Variants in IMMP1L observed in about 807,000 individuals in gnomAD.
IMMP1L encodes the protein mitochondrial inner membrane protease subunit 1.
A neutral mutation model predicts 21.8 loss-of-function variants in IMMP1L; 24 were observed. The observed-to-expected ratio is 1.10, with a 90% CI of 0.80 to 1.55. The LOEUF (loss-of-function observed/expected upper bound fraction) is 1.55. Ranked by LOEUF, IMMP1L falls within the 40% of genes most tolerant of loss-of-function variation. The probability of loss-of-function intolerance (pLI) is 0.00; values close to 1 mark genes in which losing one functional copy is unlikely to be tolerated. For synonymous variants in IMMP1L, 46 were observed against 62.8 expected (o/e 0.73, Z 1.26); for missense variants, 195 against 200.7 (o/e 0.97, Z 0.17).
chr11:31,505,468 ATT>A (rs1955748299), intron 1 of IMMP1L, among the ~76,000 whole-genome samples: 1 of 152,232 alleles, frequency 6.6e-6, no homozygotes, highest in East Asian at 1.9e-4. Flanking sequence ...ACAAACTGAC[ATT>A]AGGCAATCTG....
chr11:31,505,041 C>T (rs540946319), intron 1 of IMMP1L, among the ~76,000 whole-genome samples: 10 of 152,284 alleles, frequency 6.6e-5, no homozygotes, highest in South Asian at 2.1e-4. Flanking sequence ...CAGCAGGCCC[C>T]GTAGTGAACC....
chr11:31,455,291 T>C (rs377612970), intron 4 of IMMP1L, among the ~76,000 whole-genome samples: 2 of 152,156 alleles, frequency 1.3e-5, no homozygotes, highest in Non-Finnish European at 2.9e-5. Context: ...AACAAACAGC[T>C]GCATTAATAA....
chr11:31,503,112 T>G (rs1364743758), intron 1 of IMMP1L, among the ~76,000 whole-genome samples: 1 of 152,232 alleles, frequency 6.6e-6, no homozygotes, highest in Non-Finnish European at 1.5e-5. Context: ...AGCTTACTCC[T>G]GCTTTCCTAG....
At chr11:31,480,699 T>A (rs1954866504) in intron 1 of IMMP1L, among the ~76,000 whole-genome samples, 1 of 152,112 alleles carries the variant, frequency 6.6e-6, no homozygotes, top group African/African-American at 2.4e-5. Flanking sequence ...TTTTAGCCTT[T>A]TACAATTATG....
At chr11:31,482,387 A>C (rs1177261198) in intron 1 of IMMP1L, among the ~76,000 whole-genome samples, 1 of 152,096 alleles carries the variant, frequency 6.6e-6, no homozygotes, top group Non-Finnish European at 1.5e-5. Flanking sequence ...ACTTCTGTTC[A>C]TTAAAAGCAC....
intron 1 of IMMP1L, among the ~76,000 whole-genome samples, chr11:31,497,731 T>C (rs1060358): frequency 6.6e-6 from 1 of 152,124 alleles, no homozygotes. Context: ...ATTACAGGCG[T>C]GAGCCACTGC....
At chr11:31,453,001 C>A in intron 4 of IMMP1L, 1 of 1,080,762 alleles carries the variant, frequency 9.3e-7, no homozygotes, top group East Asian at 6.0e-5. Flanking sequence ...ATCTGCCTGC[C>A]TTGGCCTCTC....
Position 31,449,043 on chromosome 11 carries a change from A to G in IMMP1L, c.321+7217T>C, listed in dbSNP as rs1192099197. The G allele has an allele frequency of 1.0e-5, 10 of 985,346 alleles. No individual in the cohort carries two copies. In the East Asian group the frequency reaches 4.5e-4, roughly 45 times the overall value. 61.0% of individuals were successfully genotyped at this position (985,346 alleles called of 1,614,324 possible). ...GTATGCCATGATTGATTATCCTAGG[A>G]GCCGTTGCTGAGAAATGGATGTGTA... On this transcript the variant is annotated intron_variant, in intron 4 of 5. Transcript: ENST00000532287.
chr11:31,475,784 T>C (rs1477627283), intron 1 of IMMP1L, among the ~76,000 whole-genome samples: 2 of 152,210 alleles, frequency 1.3e-5, no homozygotes, highest in Non-Finnish European at 1.5e-5. Flanking sequence ...GAAGATCTTA[T>C]GTTTTATGTT....
At chr11:31,486,879 C>T (rs898954459) in intron 1 of IMMP1L, among the ~76,000 whole-genome samples, 6 of 151,714 alleles carry the variant, frequency 4.0e-5, no homozygotes, top group East Asian at 1.9e-4. Flanking sequence ...TAGGAATACA[C>T]GTAAAGTGAC....
intron 1 of IMMP1L, among the ~76,000 whole-genome samples, chr11:31,466,139 C>G (rs796537421): frequency 6.6e-6 from 1 of 151,782 alleles, no homozygotes; most frequent in African/African-American, 2.4e-5. Flanking sequence ...ATAGAAATGG[C>G]CAACAAATAT....
intron 1 of IMMP1L, among the ~76,000 whole-genome samples, chr11:31,466,773 G>T (rs1269244106): frequency 6.6e-6 from 1 of 152,028 alleles, no homozygotes; most frequent in Non-Finnish European, 1.5e-5. Flanking sequence ...GAGGTAGGAG[G>T]GGAGAATGAG....
chr11:31,433,049 T>A (rs1952968413), intron 5 of IMMP1L, among the ~76,000 whole-genome samples: 1 of 152,204 alleles, frequency 6.6e-6, no homozygotes, highest in South Asian at 2.1e-4. Flanking sequence ...CTAATAATCA[T>A]ACATTCACAA....
At chr11:31,474,421 C>G (rs2133723170) in intron 1 of IMMP1L, among the ~76,000 whole-genome samples, 1 of 152,262 alleles carries the variant, frequency 6.6e-6, no homozygotes, top group South Asian at 2.1e-4. Flanking sequence ...TTGTTCAAAT[C>G]CATAAGTGTT....
intron 4 of IMMP1L, among the ~76,000 whole-genome samples, chr11:31,434,566 A>C (rs1290117907): frequency 6.6e-6 from 1 of 152,126 alleles, no homozygotes; most frequent in African/African-American, 2.4e-5. Context: ...ATGAAGAAAA[A>C]TACACTACTG....
rs1955931127 is a variant in IMMP1L, at chr11:31,509,591, AGTCGACC to A, written c.-109_-103del. 1 of 623,138 alleles carries A rather than the reference AGTCGACC, an allele frequency of 1.6e-6. No homozygotes were observed. Among genetic ancestry groups the A allele is most frequent in the African/African-American group, 1.8e-5 (1 of 54,428 alleles). 38.6% of individuals were successfully genotyped at this position (623,138 alleles called of 1,614,324 possible). A position where few individuals can be genotyped will look rare whatever the true frequency, so the allele number is the denominator to read the frequency against. ...GCCTTTCTCACCTGGGCCCCGCCGA[AGTCGACC>A]GTCCTTTCGTAGGGCGCACTTTTCA... On this transcript the variant is annotated 5_prime_UTR_variant, in exon 1 of 6. Transcript: ENST00000532287.
At chr11:31,494,020 C>T (rs371918859) in intron 1 of IMMP1L, among the ~76,000 whole-genome samples, 2 of 152,190 alleles carry the variant, frequency 1.3e-5, no homozygotes, top group African/African-American at 4.8e-5. Context: ...GTGCACGGTG[C>T]AAGCTGTCAG....
At chr11:31,436,203 CAA>C (rs1235159081) in intron 4 of IMMP1L, among the ~76,000 whole-genome samples, 1 of 152,082 alleles carries the variant, frequency 6.6e-6, no homozygotes, top group Non-Finnish European at 1.5e-5. Flanking sequence ...TTATGTTCCA[CAA>C]AGTTTTTAGT....
intron 1 of IMMP1L, among the ~76,000 whole-genome samples, chr11:31,482,833 T>C (rs998739195): frequency 2.0e-5 from 3 of 151,978 alleles, no homozygotes; most frequent in Non-Finnish European, 2.9e-5. Flanking sequence ...ACCAGTAATT[T>C]TGCTCCCAGA....
Sources: gnomAD v4.1 joint callset for allele counts (sites outside exome capture counted in the v4.1 genomes callset) on GRCh38, gnomAD v4.1.1 for gene constraint, MANE v1.5 for transcripts, NCBI Gene and HGNC (gene_info 2026-07-23, HGNC 2026-07-21) for gene names.